Variants in CADM2 observed in about 807,000 individuals in gnomAD.
CADM2 encodes cell adhesion molecule 2, also known as immunoglobulin superfamily member 4D.
A neutral mutation model predicts 49.8 loss-of-function variants in CADM2; 12 were observed. The ratio of observed to expected loss-of-function variants is 0.24; its 90% CI spans 0.15 to 0.39. The LOEUF (loss-of-function observed/expected upper bound fraction) is 0.39. CADM2 is among the 10% of genes least tolerant of loss of function. CADM2 has a pLI of 1.00. For missense variants in CADM2, 378 were observed against 492.3 expected (o/e 0.77, Z 2.20); for synonymous variants, 214 against 175.4 (o/e 1.22, Z -1.74).
At chr3:85,685,583 A>G (rs962169862) in intron 1 of CADM2, among the ~76,000 whole-genome samples, 10 of 150,870 alleles carry the variant, frequency 6.6e-5, no homozygotes, top group Admixed American at 1.3e-4. Flanking sequence ...AATACACTGT[A>G]CAATTGAACA....
intron 1 of CADM2, among the ~76,000 whole-genome samples, chr3:85,590,842 C>G (rs1394893501): frequency 6.6e-6 from 1 of 150,488 alleles, no homozygotes; most frequent in Non-Finnish European, 1.5e-5. Flanking sequence ...ACACTATAAA[C>G]AAAAAAGGAT....
chr3:85,538,784 A>G (rs896386305), intron 1 of CADM2, among the ~76,000 whole-genome samples: 3 of 152,088 alleles, frequency 2.0e-5, no homozygotes, highest in Non-Finnish European at 4.4e-5. Flanking sequence ...GGTTTCTGCC[A>G]TTTCAGTCTG....
At chr3:85,907,069 C>A (rs755595643) in intron 5 of CADM2, among the ~76,000 whole-genome samples, 3 of 152,170 alleles carry the variant, frequency 2.0e-5, no homozygotes, top group Non-Finnish European at 4.4e-5. Context: ...GTAATTACAA[C>A]ATGTCCAGTT....
intron 1 of CADM2, among the ~76,000 whole-genome samples, chr3:85,496,274 C>G (rs2039888976): frequency 6.6e-6 from 1 of 152,094 alleles, no homozygotes; most frequent in South Asian, 2.1e-4. Context: ...GATTTAGTCC[C>G]ACTTATAAGT....
chr3:85,769,342 T>C (rs867886853), intron 2 of CADM2, among the ~76,000 whole-genome samples: 3 of 108,554 alleles, frequency 2.8e-5, no homozygotes, highest in African/African-American at 1.3e-4. Flanking sequence ...TACACGTATA[T>C]ACATATATAC....
chr3:85,745,895 G>C (rs1375265091), intron 2 of CADM2, among the ~76,000 whole-genome samples: 1 of 150,116 alleles, frequency 6.7e-6, no homozygotes, highest in Non-Finnish European at 1.5e-5. Context: ...TTTTTTTCTT[G>C]TTTTCTCCAT....
chr3:85,663,188 G>A (rs1174999147), intron 1 of CADM2, among the ~76,000 whole-genome samples: 1 of 151,980 alleles, frequency 6.6e-6, no homozygotes, highest in Non-Finnish European at 1.5e-5. Context: ...TCTATAATGA[G>A]GATGACAATA....
intron 1 of CADM2, among the ~76,000 whole-genome samples, chr3:85,425,518 C>A (rs748188533): frequency 1.9e-4 from 29 of 152,138 alleles, no homozygotes; most frequent in Non-Finnish European, 4.1e-4. Context: ...CATTAGAAAT[C>A]TCCTTTATCT....
intron 1 of CADM2, among the ~76,000 whole-genome samples, chr3:85,258,235 A>G (rs1476266671): frequency 6.6e-6 from 1 of 152,110 alleles, no homozygotes; most frequent in Non-Finnish European, 1.5e-5. Flanking sequence ...GCATACTAGG[A>G]GGCTGTCTTT....
intron 8 of CADM2, chr3:85,992,894 C>T (rs1046701993): frequency 6.6e-6 from 1 of 152,094 alleles, no homozygotes; most frequent in South Asian, 2.1e-4. Flanking sequence ...ATTGATTATT[C>T]TTTTCCTGAA....
chr3:85,814,557 T>G (rs1042325603), intron 3 of CADM2, among the ~76,000 whole-genome samples: 2 of 152,000 alleles, frequency 1.3e-5, no homozygotes, highest in African/African-American at 4.8e-5. Context: ...ACAAAAACCC[T>G]TCAAAAAATC....
At chr3:85,404,757 C>T (rs1464053331) in intron 1 of CADM2, among the ~76,000 whole-genome samples, 1 of 151,424 alleles carries the variant, frequency 6.6e-6, no homozygotes, top group Non-Finnish European at 1.5e-5. Context: ...TTTACTAATG[C>T]AATATTTATA....
At chr3:85,699,033 G>T (rs1022072892) in intron 1 of CADM2, among the ~76,000 whole-genome samples, 3 of 152,166 alleles carry the variant, frequency 2.0e-5, no homozygotes, top group Admixed American at 2.0e-4. Context: ...TTTCTGAAAG[G>T]GAGAAATCAG....
intron 1 of CADM2, among the ~76,000 whole-genome samples, chr3:85,200,876 C>A (rs2107745415): frequency 6.6e-6 from 1 of 152,188 alleles, no homozygotes; most frequent in Middle Eastern, 3.4e-3. Context: ...CACTTCTTTC[C>A]ATTTATGCCT....
At chr3:85,875,510 C>T (rs1250473080) in intron 3 of CADM2, among the ~76,000 whole-genome samples, 1 of 152,086 alleles carries the variant, frequency 6.6e-6, no homozygotes, top group Non-Finnish European at 1.5e-5. Flanking sequence ...GTTTTCCTAT[C>T]TGATTTATTA....
chr3:85,210,489 G>T (rs2041750932), intron 1 of CADM2, among the ~76,000 whole-genome samples: 3 of 151,932 alleles, frequency 2.0e-5, no homozygotes, highest in Admixed American at 1.3e-4. Flanking sequence ...GTATGTACTG[G>T]CCTTGTTGAA....
At chr3:85,135,046 GTC>G (rs770782800) in intron 1 of CADM2, among the ~76,000 whole-genome samples, 16 of 151,768 alleles carry the variant, frequency 1.1e-4, no homozygotes, top group East Asian at 3.9e-4. Flanking sequence ...AAAAAGCAAT[GTC>G]TCTGATAAAA....
chr3:85,557,577 T>C (rs559760026), intron 1 of CADM2, among the ~76,000 whole-genome samples: 61 of 152,052 alleles, frequency 4.0e-4, no homozygotes, highest in Non-Finnish European at 6.2e-4. Flanking sequence ...ATGCATCCCA[T>C]GTTATGGTTT....
intron 1 of CADM2, among the ~76,000 whole-genome samples, chr3:85,395,144 T>C (rs2034711130): frequency 6.6e-6 from 1 of 150,576 alleles, no homozygotes; most frequent in Admixed American, 6.6e-5. Context: ...GCAATAAAGA[T>C]AAATTTAGCC....
Sources: gnomAD v4.1 joint callset for allele counts (sites outside exome capture counted in the v4.1 genomes callset) on GRCh38, gnomAD v4.1.1 for gene constraint, MANE v1.5 for transcripts, NCBI Gene and HGNC (gene_info 2026-07-23, HGNC 2026-07-21) for gene names.